The following TDRD3 variants were observed in gnomAD, a reference collection of about 807,000 sequenced individuals.
The protein encoded by TDRD3 is tudor domain-containing protein 3.
A neutral mutation model predicts 86.7 loss-of-function variants in TDRD3; 45 were observed. The observed-to-expected ratio is 0.52, with a 90% CI of 0.41 to 0.67. The LOEUF (loss-of-function observed/expected upper bound fraction) is 0.67, where lower values mean the gene tolerates loss of function less well. Among genes scored for constraint, TDRD3 ranks in the 30% least tolerant of loss-of-function variants. The pLI is 0.00. For synonymous variants in TDRD3, 298 were observed against 301.7 expected (o/e 0.99, Z 0.13); for missense variants, 814 against 889.0 (o/e 0.92, Z 1.07).
intron 3 of TDRD3, among the ~76,000 whole-genome samples, chr13:60,449,369 A>G (rs1955482475): frequency 6.6e-6 from 1 of 152,146 alleles, no homozygotes; most frequent in African/African-American, 2.4e-5. Context: ...GGTAATTACT[A>G]ATAGGACTTC....
chr13:60,566,702 T>C (rs755380917), intron 12 of TDRD3, among the ~76,000 whole-genome samples: 1 of 152,182 alleles, frequency 6.6e-6, no homozygotes, highest in Non-Finnish European at 1.5e-5. Context: ...TTCAAAAACA[T>C]TTAAATAACA....
intron 8 of TDRD3, among the ~76,000 whole-genome samples, chr13:60,495,235 A>G (rs1201238709): frequency 3.3e-5 from 5 of 152,220 alleles, no homozygotes; most frequent in Non-Finnish European, 5.9e-5. Context: ...TAAATTCAGC[A>G]GTATAACAAT....
Position 60,529,965 on chromosome 13 carries a change from T to A in TDRD3, c.1992+748T>A, listed in dbSNP as rs73208086. Among the ~76,000 whole-genome samples, 790 of 152,158 alleles carry A rather than the reference T, an allele frequency of 5.2e-3. 7 individuals are homozygous for A. The highest frequency in any genetic ancestry group is 8.3e-3 in the Non-Finnish European group (562 of 67,984). On this transcript the variant is annotated intron_variant, in intron 11 of 13. Coordinates refer to ENST00000377881, the MANE Select transcript of TDRD3 (RefSeq NM_001146070.2). ...AGAGAGAAGGGGACTTTGCACATTT[T>A]TTTCCTTCTGCCCAACATGCTCTTC... is the stretch of plus-strand genomic sequence containing the variant.
intron 6 of TDRD3, among the ~76,000 whole-genome samples, chr13:60,485,531 G>A (rs1956412487): frequency 6.6e-6 from 1 of 152,070 alleles, no homozygotes; most frequent in Admixed American, 6.5e-5. Flanking sequence ...AGGCTCTCTT[G>A]ATCCAGTGTA....
At chr13:60,561,529 T>C (rs1355236376) in intron 12 of TDRD3, among the ~76,000 whole-genome samples, 1 of 152,204 alleles carries the variant, frequency 6.6e-6, no homozygotes, top group Non-Finnish European at 1.5e-5. Flanking sequence ...CCTAGGCCCA[T>C]ATATTTTATA....
intron 3 of TDRD3, among the ~76,000 whole-genome samples, chr13:60,456,103 A>C (rs1955663971): frequency 6.6e-6 from 1 of 150,436 alleles, no homozygotes; most frequent in African/African-American, 2.4e-5. Context: ...AATGGCTGGC[A>C]TGTATTTTCA....
intron 8 of TDRD3, 70 bp from the exon 9 acceptor site, chr13:60,509,689 CAGTA>C: frequency 3.9e-6 from 6 of 1,558,130 alleles, no homozygotes; most frequent in East Asian, 2.3e-5. Context: ...AGTTAAAAGA[CAGTA>C]AGTAGTTAAA....
At chr13:60,532,538 A>T (rs1957608757) in intron 11 of TDRD3, among the ~76,000 whole-genome samples, 1 of 152,190 alleles carries the variant, frequency 6.6e-6, no homozygotes, top group African/African-American at 2.4e-5. Flanking sequence ...AAGAAAAGGA[A>T]TTGAGTGTAA....
chr13:60,543,773 T>A (rs1158114873), intron 12 of TDRD3, among the ~76,000 whole-genome samples: 1 of 152,110 alleles, frequency 6.6e-6, no homozygotes, highest in Admixed American at 6.5e-5. Context: ...TTCCTGAAAT[T>A]TTGTCCCTTT....
At chr13:60,564,901 A>G (rs1476407618) in intron 12 of TDRD3, among the ~76,000 whole-genome samples, 1 of 152,166 alleles carries the variant, frequency 6.6e-6, no homozygotes, top group Non-Finnish European at 1.5e-5. Flanking sequence ...GCTAAAAATT[A>G]CTAGCCATAT....
At chr13:60,429,931 A>G (rs1954911864) in intron 1 of TDRD3, among the ~76,000 whole-genome samples, 1 of 152,206 alleles carries the variant, frequency 6.6e-6, no homozygotes, top group African/African-American at 2.4e-5. Context: ...TTAAGAAGGA[A>G]GAAAACTAAT....
intron 1 of TDRD3, among the ~76,000 whole-genome samples, chr13:60,428,123 C>T (rs1954856511): frequency 2.0e-5 from 3 of 151,632 alleles, no homozygotes; most frequent in Admixed American, 6.6e-5. Context: ...CTTCATATGG[C>T]CTTTTACTTT....
Position 60,531,225 on chromosome 13 carries a change from T to C in TDRD3, c.1992+2008T>C, listed in dbSNP as rs546285728. ...TTTCACATGGCCACTTCCTGGCTATTAGGAAGACTTGAAAAGCAGATGCAG... is the reference window on the plus strand; with the variant it reads ...TTTCACATGGCCACTTCCTGGCTATCAGGAAGACTTGAAAAGCAGATGCAG... On this transcript the variant is annotated intron_variant, in intron 11 of 13. Coordinates refer to ENST00000377881, the MANE Select transcript of TDRD3 (RefSeq NM_001146070.2). Among the ~76,000 whole-genome samples the C allele has an allele frequency of 4.6e-5, 7 of 152,328 alleles. No homozygotes were observed. The South Asian group carries it at 1.0e-3, about 23-fold the overall frequency.
chr13:60,554,172 G>A (rs1958132714), intron 12 of TDRD3, among the ~76,000 whole-genome samples: 5 of 152,116 alleles, frequency 3.3e-5, no homozygotes, highest in Admixed American at 3.3e-4. Flanking sequence ...GACATTGACA[G>A]GATTCTTGTC....
Position 60,509,838 on chromosome 13 carries a change from A to T in TDRD3, c.934A>T (p.Asn312Tyr). Residue 312 changes from asparagine (N) to tyrosine (Y), a missense_variant, in exon 9 of 14, where the codon AAT becomes TAT. By Grantham distance (143) the Asn-to-Tyr change is moderately radical. Coordinates refer to ENST00000377881, the MANE Select transcript of TDRD3 (RefSeq NM_001146070.2). ...AGCATCGAGGCAAGCTCTTATGGAT[A>T]ATGGCAACAACTTAGAAGCAGCACT... is the stretch of plus-strand genomic sequence containing the variant. ...KEASRQALMD[N>Y]GNNLEAALNV... 1 of 1,613,936 alleles carries T rather than the reference A, an allele frequency of 6.2e-7. No individual in the cohort carries two copies. Among genetic ancestry groups the T allele is most frequent in the Non-Finnish European group, 8.5e-7 (1 of 1,179,808 alleles).
In TDRD3 at chr13:60,467,394, T is replaced by A; in HGVS notation, c.495+15T>A. The stretch of plus-strand genomic sequence containing the variant: ...AGTTACAGAGAGTAAGTGTAAACTA[T>A]GGCTTGAACTTTTGAAACATTACAC... On this transcript the variant is annotated intron_variant, in intron 5 of 13. Transcript: ENST00000377881. 6.2e-7 allele frequency: 1 copy of A among 1,609,234 alleles called. No individual in the cohort carries two copies. Among genetic ancestry groups the A allele is most frequent in the African/African-American group, 1.3e-5 (1 of 74,628 alleles).
intron 8 of TDRD3, among the ~76,000 whole-genome samples, chr13:60,506,059 C>T (rs1013127952): frequency 2.0e-5 from 3 of 152,104 alleles, no homozygotes; most frequent in Non-Finnish European, 1.5e-5. Context: ...TTGAGAAGAG[C>T]AACCCCAAGA....
intron 12 of TDRD3, chr13:60,537,323 A>T (rs1957717919): frequency 6.6e-6 from 1 of 152,038 alleles, no homozygotes; most frequent in African/African-American, 2.4e-5. Flanking sequence ...AGTTGAGAGA[A>T]ATATCTCCTC....
At chr13:60,569,717 A>G (rs895301597) in intron 13 of TDRD3, among the ~76,000 whole-genome samples, 9 of 152,198 alleles carry the variant, frequency 5.9e-5, no homozygotes, top group African/African-American at 2.2e-4. Context: ...GTACTGACAT[A>G]AAAACAAACA....
Sources: allele counts gnomAD v4.1 joint callset (sites outside exome capture counted in the v4.1 genomes callset), GRCh38; gene constraint gnomAD v4.1.1; transcripts MANE v1.5; gene names NCBI Gene and HGNC (gene_info 2026-07-23, HGNC 2026-07-21).